ARHGAP26: variants seen among roughly 807,000 people sequenced by gnomAD.
The protein encoded by ARHGAP26 is rho GTPase-activating protein 26.
In ARHGAP26, 38 loss-of-function variants were observed where a neutral mutation model predicts 104.8. The observed-to-expected ratio is 0.36, with a 90% CI of 0.28 to 0.48. The LOEUF (loss-of-function observed/expected upper bound fraction) is 0.48, where lower values mean the gene tolerates loss of function less well. Ranked by LOEUF, ARHGAP26 falls within the 20% of genes least tolerant of loss-of-function variation. The pLI is 0.99. For missense variants in ARHGAP26, 704 were observed against 947.9 expected, an observed-to-expected ratio of 0.74 and a Z score of 3.38; for synonymous variants, 341 against 340.0, an observed-to-expected ratio of 1.00 and a Z score of -0.03.
intron 17 of ARHGAP26, among the ~76,000 whole-genome samples, chr5:143,082,034 A>G (rs1023190839): frequency 6.6e-6 from 1 of 150,700 alleles, no homozygotes; most frequent in Non-Finnish European, 1.5e-5. Context: ...AAAAAAAAAA[A>G]TGGTAGCTTT....
At chr5:143,096,512 A>C (rs1480834109) in intron 17 of ARHGAP26, among the ~76,000 whole-genome samples, 2 of 152,182 alleles carry the variant, frequency 1.3e-5, no homozygotes, top group Non-Finnish European at 2.9e-5. Flanking sequence ...TTCATGAAAA[A>C]AGAGGTTCAG....
In ARHGAP26 at chr5:142,770,595, A is replaced by T. The variant is rs1164774878; in HGVS notation, c.-167A>T. On this transcript the variant is annotated 5_prime_UTR_variant, in exon 1 of 23. Transcript: ENST00000645722. Reference sequence around the variant, plus strand: ...CGGCCGGGTCCGAGCTCGGTTCGGGAGTCTTGCGCGCCGGCGGACACCGCG... The same window carrying T: ...CGGCCGGGTCCGAGCTCGGTTCGGGTGTCTTGCGCGCCGGCGGACACCGCG... 3.1e-6 allele frequency: 1 copy of T among 323,088 alleles called. No homozygotes were observed. Among genetic ancestry groups the T allele is most frequent in the Non-Finnish European group, 4.7e-6 (1 of 214,054 alleles). 20.0% of individuals were successfully genotyped at this position (323,088 alleles called of 1,614,324 possible). A position where few individuals can be genotyped will look rare whatever the true frequency, so the allele number is the denominator to read the frequency against.
chr5:143,216,146 G>A, intron 22 of ARHGAP26: 1 of 471,626 alleles, frequency 2.1e-6, no homozygotes, highest in Non-Finnish European at 4.4e-6. Flanking sequence ...AGGAAGAGAA[G>A]CCTGGATGAT....
chr5:142,911,222 C>G (rs940078653), intron 9 of ARHGAP26, among the ~76,000 whole-genome samples: 1 of 152,174 alleles, frequency 6.6e-6, no homozygotes, highest in African/African-American at 2.4e-5. Flanking sequence ...TGAAACCCTT[C>G]TTTATTTTCC....
intron 20 of ARHGAP26, among the ~76,000 whole-genome samples, chr5:143,189,324 G>A (rs1003936126): frequency 1.3e-5 from 2 of 152,138 alleles, no homozygotes; most frequent in African/African-American, 4.8e-5. Flanking sequence ...ATGCACTTGG[G>A]CTTAAGACAG....
intron 11 of ARHGAP26, among the ~76,000 whole-genome samples, chr5:142,940,276 C>T (rs755272248): frequency 2.6e-5 from 4 of 152,208 alleles, no homozygotes; most frequent in East Asian, 3.9e-4. Flanking sequence ...TCTAGTGTGA[C>T]GATGCAGGCC....
At chr5:142,945,621 G>A (rs1416225046) in intron 11 of ARHGAP26, among the ~76,000 whole-genome samples, 3 of 152,108 alleles carry the variant, frequency 2.0e-5, no homozygotes, top group African/African-American at 7.2e-5. Context: ...CAGAGGCTTG[G>A]TTGTGTGTGT....
At chr5:142,995,461 G>C (rs1449783590) in intron 11 of ARHGAP26, among the ~76,000 whole-genome samples, 1 of 152,328 alleles carries the variant, frequency 6.6e-6, no homozygotes, top group East Asian at 1.9e-4. Context: ...ACCACAGTGA[G>C]ATACCATCTC....
intron 11 of ARHGAP26, among the ~76,000 whole-genome samples, chr5:142,940,649 G>A (rs1464342215): frequency 6.6e-6 from 1 of 152,120 alleles, no homozygotes; most frequent in Non-Finnish European, 1.5e-5. Flanking sequence ...TTTTATGGCT[G>A]CATAGTATTC....
chr5:143,155,626 C>G (rs1036494214), intron 20 of ARHGAP26, among the ~76,000 whole-genome samples: 1 of 152,232 alleles, frequency 6.6e-6, no homozygotes, highest in African/African-American at 2.4e-5. Flanking sequence ...TCTCTACAGC[C>G]TGTCAGCAGA....
At chr5:142,941,884 G>A (rs991012617) in intron 11 of ARHGAP26, among the ~76,000 whole-genome samples, 6 of 152,136 alleles carry the variant, frequency 3.9e-5, no homozygotes, top group Non-Finnish European at 5.9e-5. Context: ...TATGTTGGTG[G>A]CACTTACTCA....
At chr5:142,979,425 G>T (rs1773602527) in intron 11 of ARHGAP26, among the ~76,000 whole-genome samples, 1 of 152,168 alleles carries the variant, frequency 6.6e-6, no homozygotes, top group Non-Finnish European at 1.5e-5. Context: ...TCAGAAAGTG[G>T]ATTCTTCCAC....
At chr5:142,930,790 TG>T (rs1414241420) in intron 10 of ARHGAP26, among the ~76,000 whole-genome samples, 1 of 152,214 alleles carries the variant, frequency 6.6e-6, no homozygotes, top group African/African-American at 2.4e-5. Flanking sequence ...TGTCAAGGAA[TG>T]GTTAATGAAA....
intron 20 of ARHGAP26, among the ~76,000 whole-genome samples, chr5:143,189,136 A>T (rs1416078743): frequency 6.6e-6 from 1 of 152,238 alleles, no homozygotes; most frequent in Non-Finnish European, 1.5e-5. Flanking sequence ...TGCTACAGAC[A>T]GGCCAATGTT....
intron 11 of ARHGAP26, among the ~76,000 whole-genome samples, chr5:142,980,628 A>AGT (rs1773809873): frequency 6.6e-6 from 1 of 152,016 alleles, no homozygotes; most frequent in Non-Finnish European, 1.5e-5. Flanking sequence ...ACCTCAGGCA[A>AGT]TCTGCCTGCC....
chr5:142,853,473 G>A (rs922830230), intron 1 of ARHGAP26, among the ~76,000 whole-genome samples: 1 of 152,196 alleles, frequency 6.6e-6, no homozygotes, highest in Non-Finnish European at 1.5e-5. Context: ...TTATAGACGT[G>A]AGCCACTATG....
chr5:142,945,508 G>A (rs184376436), intron 11 of ARHGAP26, among the ~76,000 whole-genome samples: 1 of 152,232 alleles, frequency 6.6e-6, no homozygotes, highest in African/African-American at 2.4e-5. Flanking sequence ...GGTTTCTATC[G>A]CCAGCTGGTT....
At chr5:143,168,009 G>A (rs1802247805) in intron 20 of ARHGAP26, among the ~76,000 whole-genome samples, 1 of 152,212 alleles carries the variant, frequency 6.6e-6, no homozygotes, top group South Asian at 2.1e-4. Flanking sequence ...ACAGGATAAA[G>A]TGCTGCTGGA....
intron 12 of ARHGAP26, among the ~76,000 whole-genome samples, chr5:143,034,318 T>G (rs1598733927): frequency 6.6e-6 from 1 of 152,312 alleles, no homozygotes; most frequent in East Asian, 1.9e-4. Context: ...GTAACATTAT[T>G]CACAACAGCC....
Sources: gnomAD v4.1 joint callset for allele counts (sites outside exome capture counted in the v4.1 genomes callset) on GRCh38, gnomAD v4.1.1 for gene constraint, MANE v1.5 for transcripts, NCBI Gene and HGNC (gene_info 2026-07-23, HGNC 2026-07-21) for gene names.